The following CLCN3 variants were observed in gnomAD, a reference collection of about 807,000 sequenced individuals.
CLCN3 encodes Cl-/H+ antiporter 3.
CLCN3 carries 16 observed loss-of-function variants against 83.4 expected under a neutral mutation model. That is an observed-to-expected ratio of 0.19 (90% CI 0.13 to 0.29). The LOEUF (loss-of-function observed/expected upper bound fraction) is 0.29. CLCN3 is among the 10% of genes least tolerant of loss of function. CLCN3 has a pLI of 1.00. For synonymous variants in CLCN3, 322 were observed against 346.2 expected (o/e 0.93, Z 0.78); for missense variants, 544 against 1,006.0 (o/e 0.54, Z 6.21).
intron 1 of CLCN3, among the ~76,000 whole-genome samples, chr4:169,628,242 G>A (rs531180363): frequency 8.5e-5 from 13 of 152,288 alleles, no homozygotes; most frequent in Non-Finnish European, 1.6e-4. Context: ...TGGGGAGGTA[G>A]GGTTAGGCAT....
At chr4:169,706,111 GC>G (rs1048635242) in intron 10 of CLCN3, among the ~76,000 whole-genome samples, 21 of 152,156 alleles carry the variant, frequency 1.4e-4, no homozygotes, top group African/African-American at 5.1e-4. Flanking sequence ...GCTCACTGCA[GC>G]CTCAAACCCC....
At chr4:169,691,122 C>T (rs1235927873) in intron 6 of CLCN3, among the ~76,000 whole-genome samples, 1 of 152,044 alleles carries the variant, frequency 6.6e-6, no homozygotes, top group Non-Finnish European at 1.5e-5. Context: ...TCTCAGCCTC[C>T]TGAGGAGTTG....
intron 2 of CLCN3, among the ~76,000 whole-genome samples, chr4:169,655,686 G>A (rs1446864315): frequency 1.3e-5 from 2 of 152,132 alleles, no homozygotes; most frequent in South Asian, 4.1e-4. Context: ...TTGTAGAGAC[G>A]GGAATCTGGG....
chr4:169,658,110 C>T (rs1730939976), intron 2 of CLCN3, among the ~76,000 whole-genome samples: 1 of 152,164 alleles, frequency 6.6e-6, no homozygotes, highest in South Asian at 2.1e-4. Context: ...TTTGTTTAAA[C>T]AGTGTGGAAT....
In CLCN3 at chr4:169,649,410, AT is replaced by A. The variant is rs1730670227; in HGVS notation, c.160+13323del. Among the ~76,000 whole-genome samples the A allele has an allele frequency of 2.0e-5, 3 of 152,240 alleles. No individual in the cohort carries two copies. The South Asian group carries it at 6.2e-4, about 31-fold the overall frequency. ...AATTTAAGAAGATCATTCAGAGGCCATGTGGGCAAATGGACTGTTAGGTGGT... is the reference window on the plus strand; with the variant it reads ...AATTTAAGAAGATCATTCAGAGGCCAGTGGGCAAATGGACTGTTAGGTGGT... On this transcript the variant is annotated intron_variant, in intron 2 of 12. Transcript: ENST00000513761.
At chr4:169,645,224 A>G (rs1490038951) in intron 2 of CLCN3, among the ~76,000 whole-genome samples, 1 of 152,222 alleles carries the variant, frequency 6.6e-6, no homozygotes, top group Non-Finnish European at 1.5e-5. Context: ...AAGATAAGCT[A>G]GCTGCCAAAT....
chr4:169,634,029 T>A (rs1446470062), intron 1 of CLCN3, among the ~76,000 whole-genome samples: 1 of 152,188 alleles, frequency 6.6e-6, no homozygotes, highest in African/African-American at 2.4e-5. Flanking sequence ...ATTGGTTTAT[T>A]TGGAGCAGAG....
chr4:169,700,584 TCTTG>T (rs1435259668), intron 9 of CLCN3, among the ~76,000 whole-genome samples: 1 of 152,178 alleles, frequency 6.6e-6, no homozygotes, highest in African/African-American at 2.4e-5. Flanking sequence ...CTTTAAATGA[TCTTG>T]CTTATGGTGC....
At chr4:169,719,757 A>G (rs756128997) in intron 12 of CLCN3, 150 bp from the exon 13 acceptor site, 19 of 587,672 alleles carry the variant, frequency 3.2e-5, no homozygotes, top group Admixed American at 1.3e-4. Context: ...TAATTTTAAT[A>G]TCTTTACCAA....
chr4:169,644,763 A>G (rs1730525751), intron 2 of CLCN3, among the ~76,000 whole-genome samples: 1 of 152,222 alleles, frequency 6.6e-6, no homozygotes, highest in South Asian at 2.1e-4. Context: ...GTGATTAAAT[A>G]TCTAGAGATG....
At chr4:169,626,150 A>G (rs568691219) in intron 1 of CLCN3, among the ~76,000 whole-genome samples, 8 of 152,340 alleles carry the variant, frequency 5.3e-5, no homozygotes, top group Admixed American at 4.6e-4. Flanking sequence ...CTTGGGTTCA[A>G]TTAATGTGCT....
At chr4:169,679,413 G>A (rs1057172920) in intron 2 of CLCN3, among the ~76,000 whole-genome samples, 98 of 151,420 alleles carry the variant, frequency 6.5e-4, no homozygotes, top group Non-Finnish European at 1.1e-3. Context: ...TAGACTGGGC[G>A]GCCGGGCAGA....
Position 169,680,113 on chromosome 4 carries a change from T to C in CLCN3, c.224T>C (p.Leu75Ser). 6.2e-7 allele frequency: 1 copy of C among 1,611,524 alleles called. No homozygotes were observed. Reference protein sequence around the residue: ...INSSTHLLDLLDEPIPGVGTY... With the variant: ...INSSTHLLDLSDEPIPGVGTY... ...AGTTCTACACATTTACTGGATCTTT[T>C]GGATGAACCAATTCCAGGTGTTGGT... The change falls in exon 3 of 13, where the codon TTG becomes TCG. Residue 75 changes from leucine (L) to serine (S), a missense_variant. Leu to Ser is a moderately radical substitution (Grantham distance 145). Coordinates refer to ENST00000513761, the MANE Select transcript of CLCN3 (RefSeq NM_001829.4).
intron 12 of CLCN3, among the ~76,000 whole-genome samples, chr4:169,719,258 AGT>A (rs1384433987): frequency 6.6e-6 from 1 of 152,204 alleles, no homozygotes; most frequent in Non-Finnish European, 1.5e-5. Flanking sequence ...CAAGGTCAGG[AGT>A]TGAAGCCCAT....
chr4:169,674,413 C>T (rs1027930291), intron 2 of CLCN3, among the ~76,000 whole-genome samples: 14 of 152,164 alleles, frequency 9.2e-5, no homozygotes, highest in Non-Finnish European at 1.6e-4. Flanking sequence ...GTCAGAGATT[C>T]TCACATATGT....
intron 2 of CLCN3, among the ~76,000 whole-genome samples, chr4:169,659,303 T>C (rs1191396794): frequency 6.6e-6 from 1 of 152,134 alleles, no homozygotes; most frequent in African/African-American, 2.4e-5. Context: ...TTAATGACAG[T>C]TTTAAACAAG....
intron 1 of CLCN3, among the ~76,000 whole-genome samples, 183 bp from the exon 2 acceptor site, chr4:169,635,730 A>T (rs887151260): frequency 6.6e-6 from 1 of 152,134 alleles, no homozygotes; most frequent in Non-Finnish European, 1.5e-5. Context: ...CTTTTTTACA[A>T]CTGTATAATG....
chr4:169,698,616 G>C (rs1263337960), intron 9 of CLCN3, among the ~76,000 whole-genome samples: 6 of 152,154 alleles, frequency 3.9e-5, no homozygotes, highest in Non-Finnish European at 8.8e-5. Context: ...ACATACACTT[G>C]CTGGGACAAG....
intron 8 of CLCN3, 45 bp from the exon 9 acceptor site, chr4:169,697,144 A>G (rs748672119): frequency 7.5e-6 from 10 of 1,341,646 alleles, no homozygotes; most frequent in Non-Finnish European, 1.0e-5. Flanking sequence ...GAAACATCTT[A>G]TAAAATTATA....
Sources: gnomAD v4.1 joint callset for allele counts (sites outside exome capture counted in the v4.1 genomes callset) on GRCh38, gnomAD v4.1.1 for gene constraint, MANE v1.5 for transcripts, NCBI Gene and HGNC (gene_info 2026-07-23, HGNC 2026-07-21) for gene names.